Variants in CAV3 observed in about 807,000 individuals in gnomAD.
CAV3 encodes caveolin 3, also known as caveolin-3.
Under a neutral mutation model 13.4 loss-of-function variants are expected in CAV3, and 10 were observed. The observed-to-expected ratio is 0.75, with a 90% CI of 0.46 to 1.27. The LOEUF is 1.27. Ranked by LOEUF, CAV3 falls within the 50% of genes most tolerant of loss-of-function variation. CAV3 has a pLI of 0.00. For synonymous variants in CAV3, 90 were observed against 79.0 expected (o/e 1.14, Z -0.74); for missense variants, 162 against 194.0 (o/e 0.83, Z 0.98).
chr3:8,734,791 T>C (rs1707692779), intron 1 of CAV3, among the ~76,000 whole-genome samples: 1 of 152,232 alleles, frequency 6.6e-6, no homozygotes, highest in Non-Finnish European at 1.5e-5. Flanking sequence ...CACTCACGCC[T>C]CACTGCAGCC....
At chr3:8,744,445 A>ATTTTTTTTTT (rs141816229) in intron 1 of CAV3, among the ~76,000 whole-genome samples, 255 of 111,382 alleles carry the variant, frequency 2.3e-3, no homozygotes, top group East Asian at 4.1e-3. Flanking sequence ...TACCCGGCTA[A>ATTTTTTTTTT]TTTTTTTTTT....
intron 1 of CAV3, among the ~76,000 whole-genome samples, chr3:8,738,509 A>C (rs1255310471): frequency 6.6e-6 from 1 of 152,212 alleles, no homozygotes; most frequent in Non-Finnish European, 1.5e-5. Context: ...GAGAACATAC[A>C]GGAGAAGGAG....
At chr3:8,739,627 A>G (rs891261580) in intron 1 of CAV3, among the ~76,000 whole-genome samples, 3 of 152,002 alleles carry the variant, frequency 2.0e-5, no homozygotes, top group African/African-American at 7.3e-5. Flanking sequence ...TCTCCAAAAA[A>G]AAAAAAAAAG....
At chr3:8,742,372 AAAG>A (rs1553614071) in intron 1 of CAV3, 317 of 345,680 alleles carry the variant, frequency 9.2e-4, no homozygotes, top group South Asian at 2.0e-3. Context: ...AAAAAAAAAA[AAAG>A]AAGAAGAAGA....
At chr3:8,742,585 G>C (rs1332276699) in intron 1 of CAV3, 2 of 451,108 alleles carry the variant, frequency 4.4e-6, no homozygotes, top group African/African-American at 2.0e-5. Context: ...ATGTATTTTC[G>C]AGGAATCTTC....
At chr3:8,736,248 T>C (rs1279671339) in intron 1 of CAV3, among the ~76,000 whole-genome samples, 1 of 152,200 alleles carries the variant, frequency 6.6e-6, no homozygotes, top group African/African-American at 2.4e-5. Context: ...CAGTTTCCCC[T>C]GTAAAGTGGG....
intron 1 of CAV3, chr3:8,742,360 CAAAA>C: frequency 7.5e-5 from 18 of 240,994 alleles, no homozygotes; most frequent in South Asian, 1.5e-4. Context: ...CTGCAAACAC[CAAAA>C]AAAAAAAAAA....
intron 1 of CAV3, among the ~76,000 whole-genome samples, chr3:8,744,667 G>C (rs1708091916): frequency 1.3e-5 from 2 of 152,070 alleles, no homozygotes; most frequent in South Asian, 4.1e-4. Context: ...GGGCTCGAGA[G>C]AGCTTAGGTA....
intron 1 of CAV3, chr3:8,742,393 A>T (rs1708000909): frequency 2.7e-6 from 1 of 364,814 alleles, no homozygotes; most frequent in South Asian, 2.0e-5. Flanking sequence ...AGAAGAAGAA[A>T]GATAATTAAA....
chr3:8,744,275 ATT>A (rs35889837), intron 1 of CAV3, among the ~76,000 whole-genome samples: 27 of 120,828 alleles, frequency 2.2e-4, no homozygotes, highest in Admixed American at 3.3e-4. Flanking sequence ...GACCAGTGGA[ATT>A]TTTTTTTTTT....
chr3:8,745,648 G>C lies in CAV3; in HGVS notation c.237G>C (p.Leu79=). The change falls in exon 2 of 2, where the codon CTG becomes CTC. Residue 79 remains leucine, a synonymous_variant. Transcript: ENST00000343849. The surrounding 1 kb of genome is among the most constrained non-coding windows in gnomAD (Gnocchi z 4.8). ...KYWCYRLLST[L]LGVPLALLWG... ...GGTGCTACCGTCTGTTGTCCACGCT[G>C]CTGGGCGTCCCACTGGCCCTGCTCT... 1 of 1,614,098 alleles carries C rather than the reference G, an allele frequency of 6.2e-7. No homozygotes were observed. Among genetic ancestry groups the C allele is most frequent in the South Asian group, 1.1e-5 (1 of 91,064 alleles).
At chr3:8,735,424 A>G (rs2124978564) in intron 1 of CAV3, among the ~76,000 whole-genome samples, 1 of 152,364 alleles carries the variant, frequency 6.6e-6, no homozygotes, top group South Asian at 2.1e-4. Context: ...CTTGTTCTGC[A>G]TTTAGATTTC....
chr3:8,738,632 T>C (rs1707842271), intron 1 of CAV3, among the ~76,000 whole-genome samples: 1 of 152,148 alleles, frequency 6.6e-6, no homozygotes, highest in African/African-American at 2.4e-5. Context: ...GTATCCATGG[T>C]GCATCATAAA....
chr3:8,736,502 C>A (rs1707761761), intron 1 of CAV3, among the ~76,000 whole-genome samples: 1 of 152,192 alleles, frequency 6.6e-6, no homozygotes, highest in South Asian at 2.1e-4. Flanking sequence ...CTGGTACACC[C>A]AGGTGGGCTG....
chr3:8,745,383 C>A lies in CAV3; in HGVS notation c.115-143C>A. 4.5e-6 allele frequency: 3 copies of A among 672,586 alleles called. No homozygotes were observed. Among genetic ancestry groups the A allele is most frequent in the Non-Finnish European group, 8.0e-6 (3 of 373,342 alleles). The allele number at this position is 672,586 out of a possible 1,614,324, so 41.7% of individuals were successfully genotyped here. ...CCTCAGGTATGTCTTTAAAGCAATGCAAGAATAGCCTAATACAGGTAGGGT... is the reference window on the plus strand; with the variant it reads ...CCTCAGGTATGTCTTTAAAGCAATGAAAGAATAGCCTAATACAGGTAGGGT... On this transcript the variant is annotated intron_variant, in intron 1 of 1. Transcript: ENST00000343849. This position sits in a 1 kb window ranked among gnomAD's most constrained non-coding sequence, Gnocchi z 4.8.
At chr3:8,736,702 C>A (rs1035567977) in intron 1 of CAV3, among the ~76,000 whole-genome samples, 1 of 152,170 alleles carries the variant, frequency 6.6e-6, no homozygotes, top group African/African-American at 2.4e-5. Context: ...CTTTACGCAG[C>A]CCTCCTGGGG....
intron 1 of CAV3, among the ~76,000 whole-genome samples, chr3:8,741,691 A>G (rs776591800): frequency 6.6e-5 from 10 of 152,004 alleles, no homozygotes; most frequent in Non-Finnish European, 1.3e-4. Flanking sequence ...CAGATATCCT[A>G]TTTGAATTGT....
chr3:8,742,646 T>A (rs1006760021), intron 1 of CAV3: 8 of 415,226 alleles, frequency 1.9e-5, no homozygotes, highest in Middle Eastern at 3.5e-4. Flanking sequence ...ACCATCACAA[T>A]AGCCAGGCAT....
At chr3:8,741,685 T>TA (rs1474259071) in intron 1 of CAV3, among the ~76,000 whole-genome samples, 4 of 152,096 alleles carry the variant, frequency 2.6e-5, no homozygotes, top group Non-Finnish European at 4.4e-5. Flanking sequence ...CACCCACAGA[T>TA]ATCCTATTTG....
Sources: allele counts gnomAD v4.1 joint callset (sites outside exome capture counted in the v4.1 genomes callset), GRCh38; gene constraint gnomAD v4.1.1; non-coding constraint Gnocchi (gnomAD v3.1); transcripts MANE v1.5; gene names NCBI Gene and HGNC (gene_info 2026-07-23, HGNC 2026-07-21).